Variants in SCEL observed in about 807,000 individuals in gnomAD.
SCEL encodes the protein sciellin.
SCEL carries 113 observed loss-of-function variants against 117.6 expected under a neutral mutation model. The observed-to-expected ratio is 0.96, with a 90% CI of 0.83 to 1.12. The LOEUF (loss-of-function observed/expected upper bound fraction) is 1.12. Among genes scored for constraint, SCEL ranks in the 50% most tolerant of loss-of-function variants. The pLI is 0.00. For synonymous variants in SCEL, 270 were observed against 256.2 expected, an observed-to-expected ratio of 1.05 and a Z score of -0.51; for missense variants, 785 against 810.8, an observed-to-expected ratio of 0.97 and a Z score of 0.39.
At chr13:77,568,579 T>C (rs779091062) in intron 7 of SCEL, among the ~76,000 whole-genome samples, 15 of 152,190 alleles carry the variant, frequency 9.9e-5, no homozygotes, top group Non-Finnish European at 1.8e-4. Flanking sequence ...ATCCTTTCTT[T>C]CTTCTTCTTT....
intron 28 of SCEL, 27 bp downstream of exon 28, chr13:77,628,036 T>G: frequency 8.7e-7 from 1 of 1,147,790 alleles, no homozygotes; most frequent in Non-Finnish European, 1.2e-6. Context: ...TTCACTTTTT[T>G]TCTTATGAGT....
At chr13:77,608,016 A>G (rs1466038325) in intron 19 of SCEL, 40 bp from the exon 20 acceptor site, 1 of 1,474,410 alleles carries the variant, frequency 6.8e-7, no homozygotes, top group Non-Finnish European at 9.4e-7. Context: ...TACCATTGTT[A>G]CGTGTTGTCA....
At chr13:77,635,441 G>A (rs772102943) in intron 29 of SCEL, among the ~76,000 whole-genome samples, 2 of 152,040 alleles carry the variant, frequency 1.3e-5, no homozygotes, top group Non-Finnish European at 2.9e-5. Flanking sequence ...AAATATTGGC[G>A]AACAATAACA....
chr13:77,603,242 A>C, intron 18 of SCEL, 107 bp downstream of exon 18: 1 of 574,714 alleles, frequency 1.7e-6, no homozygotes, highest in Non-Finnish European at 2.9e-6. Flanking sequence ...GCATGGAATT[A>C]GACAATAAAG....
intron 9 of SCEL, among the ~76,000 whole-genome samples, chr13:77,573,335 T>C (rs533954642): frequency 6.6e-6 from 1 of 152,366 alleles, no homozygotes; most frequent in South Asian, 2.1e-4. Context: ...TATCCAAAGA[T>C]GTTTTTATGT....
At chr13:77,553,088 C>T (rs1451405844) in intron 1 of SCEL, among the ~76,000 whole-genome samples, 1 of 152,170 alleles carries the variant, frequency 6.6e-6, no homozygotes, top group Non-Finnish European at 1.5e-5. Flanking sequence ...GGCCCTGTCT[C>T]CAAATATAGT....
chr13:77,544,758 G>A (rs2083901694), intron 1 of SCEL, among the ~76,000 whole-genome samples: 1 of 152,144 alleles, frequency 6.6e-6, no homozygotes, highest in South Asian at 2.1e-4. Flanking sequence ...CTGAAAAGAA[G>A]ACAAAAGTAA....
chr13:77,591,367 A>G, intron 10 of SCEL, 28 bp from the exon 11 acceptor site: 1 of 1,360,490 alleles, frequency 7.4e-7, no homozygotes, highest in African/African-American at 1.4e-5. Flanking sequence ...TTTCTGACTG[A>G]TATAATCTTC....
In SCEL at chr13:77,610,092, CAG is replaced by C. The variant is rs2088528132; in HGVS notation, c.1325_1326del (p.Arg442AsnfsTer2). 6.2e-7 allele frequency: 1 copy of C among 1,608,598 alleles called. No individual in the cohort carries two copies. The highest frequency in any genetic ancestry group is 1.3e-5 in the African/African-American group (1 of 74,622). On this transcript the variant is annotated frameshift_variant, in exon 22 of 33. Coordinates refer to ENST00000349847, the MANE Select transcript of SCEL (RefSeq NM_144777.3). LOFTEE classifies it high-confidence loss of function. ...SLIKVTPERN[R>X]TNQGNQDLEN... ...TCATTAAAGTGACTCCTGAAAGAAACAGAACTAACCAAGGGTAAGGTTTATGG... is the reference window on the plus strand; with the variant it reads ...TCATTAAAGTGACTCCTGAAAGAAACAACTAACCAAGGGTAAGGTTTATGG...
intron 10 of SCEL, among the ~76,000 whole-genome samples, 168 bp from the exon 11 acceptor site, chr13:77,591,227 T>C (rs1157714653): frequency 6.6e-6 from 1 of 152,180 alleles, no homozygotes; most frequent in Non-Finnish European, 1.5e-5. Context: ...AAACTCAGTA[T>C]ACTGGAGTTC....
At chr13:77,621,511 T>C (rs1171697292) in intron 27 of SCEL, among the ~76,000 whole-genome samples, 2 of 152,206 alleles carry the variant, frequency 1.3e-5, no homozygotes, top group Non-Finnish European at 2.9e-5. Flanking sequence ...TTCTTCTAGA[T>C]GTTCTCGAGC....
rs185751965 is a variant in SCEL, at chr13:77,548,264, C to T, written c.-19-7593C>T. Among the ~76,000 whole-genome samples, 62 of 152,344 alleles carry T rather than the reference C, an allele frequency of 4.1e-4. No individual in the cohort carries two copies. In the East Asian group the frequency reaches 9.6e-3, roughly 24 times the overall value. On this transcript the variant is annotated intron_variant, in intron 1 of 32. Transcript: ENST00000349847. ...CTTAGTCCAAGTAGCTAATGAGTGA[C>T]GAAGCTGGGGACACACACAATCTGG...
intron 3 of SCEL, among the ~76,000 whole-genome samples, chr13:77,557,549 G>A (rs1434942389): frequency 6.6e-6 from 1 of 152,200 alleles, no homozygotes; most frequent in Non-Finnish European, 1.5e-5. Context: ...GCTCAGAGAA[G>A]CTAAGTAACT....
chr13:77,546,027 C>T (rs530980271), intron 1 of SCEL, among the ~76,000 whole-genome samples: 11 of 152,256 alleles, frequency 7.2e-5, no homozygotes, highest in South Asian at 6.2e-4. Flanking sequence ...CACTGGACTA[C>T]GAGAGAAAAT....
intron 9 of SCEL, among the ~76,000 whole-genome samples, chr13:77,584,562 G>A (rs1048828757): frequency 6.6e-6 from 1 of 152,040 alleles, no homozygotes; most frequent in African/African-American, 2.4e-5. Flanking sequence ...CCTCTTTGAG[G>A]CCCTAGACAT....
chr13:77,597,225 A>C (rs1446146692), intron 12 of SCEL: 1 of 294,740 alleles, frequency 3.4e-6, no homozygotes, highest in Non-Finnish European at 6.2e-6. Flanking sequence ...GCCTGTGCTG[A>C]GGTAGGAGCA....
At chr13:77,578,199 A>G (rs1035845450) in intron 9 of SCEL, among the ~76,000 whole-genome samples, 2 of 152,120 alleles carry the variant, frequency 1.3e-5, no homozygotes, top group African/African-American at 4.8e-5. Flanking sequence ...GAGAAAAAAG[A>G]TATGACCATG....
At position 77,617,635 on chromosome 13, in the gene SCEL, T is replaced by C. The variant is rs1245875902; in HGVS notation, c.1488T>C (p.Pro496=). Residue 496 remains proline, a synonymous_variant, in exon 25 of 33, where the codon CCT becomes CCC. Transcript: ENST00000349847. ...TTGATAAACTCATCAAGGTGAATCC[T>C]GAAATTTTCACAAACAACCAAAGGT... ...QDLDKLIKVN[P]EIFTNNQRNQ... is the part of the protein sequence containing the mutation. 1.1e-5 allele frequency: 18 copies of C among 1,598,122 alleles called. No individual in the cohort carries two copies. Among genetic ancestry groups the C allele is most frequent in the Non-Finnish European group, 1.5e-5 (17 of 1,170,924 alleles).
chr13:77,593,300 G>GTGTGCACGCGTC (rs1555510801), intron 11 of SCEL, among the ~76,000 whole-genome samples: 2 of 145,148 alleles, frequency 1.4e-5, no homozygotes, highest in African/African-American at 5.1e-5. Flanking sequence ...GTGTGTGTCT[G>GTGTGCACGCGTC]TGTGTGTGTG....
Sources: gnomAD v4.1 joint callset for allele counts (sites outside exome capture counted in the v4.1 genomes callset) on GRCh38, gnomAD v4.1.1 for gene constraint, MANE v1.5 for transcripts, NCBI Gene and HGNC (gene_info 2026-07-23, HGNC 2026-07-21) for gene names.